The following OR13A1 variants were observed in gnomAD, a reference collection of about 807,000 sequenced individuals.
OR13A1 encodes olfactory receptor 13A1.
OR13A1 carries 10 observed loss-of-function variants against 7.5 expected under a neutral mutation model. The observed-to-expected ratio is 1.34, with a 90% CI of 0.83 to 2.27. The LOEUF is 2.27. Ranked by LOEUF, OR13A1 falls within the 30% of genes most tolerant of loss-of-function variation. The pLI is 0.00. For synonymous variants in OR13A1, 238 were observed against 177.9 expected (o/e 1.34, Z -2.69); for missense variants, 509 against 419.1 (o/e 1.21, Z -1.87).
Position 45,302,708 on chromosome 10 carries a change from G to A in OR13A1, c.*728C>T, listed in dbSNP as rs186975940. On this transcript the variant is annotated 3_prime_UTR_variant, in exon 4 of 4. Coordinates refer to ENST00000553795, the MANE Select transcript of OR13A1 (RefSeq NM_001004297.3). ...TGTCTTTATTAGACACAGAGGATTC[G>A]TTCACCCAGTTTTATCTGAAACAAT... The A allele has an allele frequency of 8.4e-4, 128 of 152,210 alleles. No individual in the cohort carries two copies. Among genetic ancestry groups the A allele is most frequent in the African/African-American group, 2.9e-3 (122 of 41,524 alleles). 9.4% of individuals were successfully genotyped at this position (152,210 alleles called of 1,614,324 possible).
intron 1 of OR13A1, among the ~76,000 whole-genome samples, chr10:45,314,337 C>T (rs1838490926): frequency 6.6e-6 from 1 of 151,760 alleles, no homozygotes; most frequent in South Asian, 2.1e-4. Context: ...TGGGTCATGC[C>T]TGCAATCCCA....
intron 3 of OR13A1, among the ~76,000 whole-genome samples, chr10:45,306,765 A>G (rs1588942744): frequency 6.6e-6 from 1 of 152,226 alleles, no homozygotes; most frequent in East Asian, 1.9e-4. Context: ...ATCAGAATCA[A>G]TGGAAATGAT....
In OR13A1 at chr10:45,303,733, C is replaced by G. The variant is rs1166843959; in HGVS notation, c.690G>C (p.Leu230=). Residue 230 remains leucine (L), a synonymous_variant, in exon 4 of 4, where the codon CTG becomes CTC. Transcript: ENST00000553795. ...TGAAGCCATAGGACGCGATGGTCAT[C>G]AGGAAGTTCACTATGCCGTAGAAAG... ...ADAFYGIVNF[L]MTIASYGFIV... is the part of the protein sequence containing the mutation. The G allele has an allele frequency of 1.9e-6, 3 of 1,614,084 alleles. No individual in the cohort carries two copies. In the East Asian group the frequency reaches 6.7e-5, roughly 36 times the overall value.
intron 1 of OR13A1, among the ~76,000 whole-genome samples, chr10:45,314,094 G>A: frequency 6.6e-6 from 1 of 151,984 alleles, no homozygotes; most frequent in East Asian, 1.9e-4. Flanking sequence ...CTAGACATCA[G>A]TAGCAGAAGG....
At position 45,303,302 on chromosome 10, in the gene OR13A1, A is replaced by G; in HGVS notation, c.*134T>C. 1.1e-6 allele frequency: 1 copy of G among 934,306 alleles called. No individual in the cohort carries two copies. The highest frequency in any genetic ancestry group is 1.7e-5 in the South Asian group (1 of 59,588). The allele number at this position is 934,306 out of a possible 1,614,324, so 57.9% of individuals were successfully genotyped here. A position where few individuals can be genotyped will look rare whatever the true frequency, so the allele number is the denominator to read the frequency against. On this transcript the variant is annotated 3_prime_UTR_variant, in exon 4 of 4. Transcript: ENST00000553795. ...CATCACCAAGTCTCAGGGAACCAGC[A>G]CTCCCAGCTCATCCATGCACAGGTT...
chr10:45,312,890 C>T (rs887084844), intron 1 of OR13A1, among the ~76,000 whole-genome samples: 1 of 152,030 alleles, frequency 6.6e-6, no homozygotes, highest in Non-Finnish European at 1.5e-5. Context: ...GAGTTCATTA[C>T]CACTGGACCT....
At chr10:45,304,920 G>C (rs548449221) in intron 3 of OR13A1, among the ~76,000 whole-genome samples, 3 of 152,252 alleles carry the variant, frequency 2.0e-5, no homozygotes, top group South Asian at 4.1e-4. Context: ...TGATATAAAT[G>C]CTGTCTAATT....
intron 1 of OR13A1, among the ~76,000 whole-genome samples, chr10:45,312,542 T>C (rs1192439705): frequency 6.7e-6 from 1 of 149,856 alleles, no homozygotes; most frequent in South Asian, 2.1e-4. Flanking sequence ...AATATAAAAG[T>C]TAAAGGAATT....
intron 3 of OR13A1, among the ~76,000 whole-genome samples, chr10:45,306,112 C>T (rs1838322969): frequency 6.6e-6 from 1 of 152,206 alleles, no homozygotes. Flanking sequence ...AAGATAAAAT[C>T]AGCATAGTGC....
chr10:45,306,312 G>T (rs1588942445), intron 3 of OR13A1, among the ~76,000 whole-genome samples: 1 of 152,052 alleles, frequency 6.6e-6, no homozygotes, highest in Non-Finnish European at 1.5e-5. Flanking sequence ...AATTAGCCGG[G>T]CGTGGTGGCG....
At chr10:45,307,150 C>T (rs1838348507) in intron 3 of OR13A1, among the ~76,000 whole-genome samples, 1 of 152,174 alleles carries the variant, frequency 6.6e-6, no homozygotes, top group African/African-American at 2.4e-5. Flanking sequence ...GCACCAGAGT[C>T]AGCACAGCTG....
chr10:45,303,916 G>A lies in OR13A1; in HGVS notation c.507C>T (p.Leu169=), dbSNP rs377102950. The A allele has an allele frequency of 1.8e-5, 29 of 1,613,618 alleles. No individual in the cohort carries two copies. Among genetic ancestry groups the A allele is most frequent in the Non-Finnish European group, 2.4e-5 (28 of 1,180,034 alleles). Residue 169 remains leucine (L), a synonymous_variant, in exon 4 of 4, where the codon CTC becomes CTT. Coordinates refer to ENST00000553795, the MANE Select transcript of OR13A1 (RefSeq NM_001004297.3). ...CSGLATAVWL[L]CAVNTAIHTG... ...TGTGGATGGCCGTGTTGACGGCGCAGAGCAGCCACACGGCTGTGGCCAGCC... is the reference window on the plus strand; with the variant it reads ...TGTGGATGGCCGTGTTGACGGCGCAAAGCAGCCACACGGCTGTGGCCAGCC...
chr10:45,314,402 G>C (rs1442647690), intron 1 of OR13A1, among the ~76,000 whole-genome samples: 1 of 150,252 alleles, frequency 6.7e-6, no homozygotes, highest in Non-Finnish European at 1.5e-5. Flanking sequence ...TTTGAGACCA[G>C]CCTGGGCAAC....
chr10:45,309,747 G>A (rs1259260452), intron 1 of OR13A1, among the ~76,000 whole-genome samples: 1 of 152,118 alleles, frequency 6.6e-6, no homozygotes, highest in African/African-American at 2.4e-5. Flanking sequence ...ATATTAGTTA[G>A]CAAGCAGAGA....
intron 1 of OR13A1, among the ~76,000 whole-genome samples, chr10:45,309,650 C>G (rs1838404132): frequency 6.6e-6 from 1 of 152,162 alleles, no homozygotes; most frequent in African/African-American, 2.4e-5. Context: ...CGCCTTATCA[C>G]AGTACCTAAT....
chr10:45,311,823 C>T (rs181427619), intron 1 of OR13A1, among the ~76,000 whole-genome samples: 1 of 152,100 alleles, frequency 6.6e-6, no homozygotes, highest in Admixed American at 6.6e-5. Context: ...ACCTCTGAAC[C>T]TAAGGTAAAA....
rs117305108 is a variant in OR13A1, at chr10:45,308,171, A to T, written c.-224-363T>A. ...TGTAGACATGCTTCAAGAACAGAAA[A>T]CTAAAAATCAGAACATGCCAGAATC... On this transcript the variant is annotated intron_variant, in intron 1 of 3. Coordinates refer to ENST00000553795, the MANE Select transcript of OR13A1 (RefSeq NM_001004297.3). Among the ~76,000 whole-genome samples, 13 of 152,362 alleles carry T rather than the reference A, an allele frequency of 8.5e-5. No individual in the cohort carries two copies. In the East Asian group the frequency reaches 1.9e-3, roughly 23 times the overall value.
chr10:45,307,859 T>C (rs1176503962), intron 1 of OR13A1, 51 bp from the exon 2 acceptor site: 1 of 152,142 alleles, frequency 6.6e-6, no homozygotes, highest in Admixed American at 6.5e-5. Flanking sequence ...TTTAAAGAAA[T>C]AACAATAATA....
rs1171360735 is a variant in OR13A1 at position 45,304,401 on chromosome 10, G to C, written c.22C>G (p.His8Asp). 7 of 1,613,270 alleles carry C rather than the reference G, an allele frequency of 4.3e-6. No individual in the cohort carries two copies. In the South Asian group the frequency reaches 5.5e-5, roughly 13 times the overall value. MKLWMES[H>D]LIVPETRPSP... is the part of the protein sequence containing the mutation. ...GGACGGGTTTCTGGGACTATCAGGT[G>C]ACTCTCCATCCACAGCTTCATGTGA... The change falls in exon 4 of 4, where the codon CAC becomes GAC. Residue 8 changes from histidine (H) to aspartate (D), a missense_variant. By Grantham distance (81) the His-to-Asp change is moderately conservative (BLOSUM62 -1). Transcript: ENST00000553795.
Sources: allele counts gnomAD v4.1 joint callset (sites outside exome capture counted in the v4.1 genomes callset), GRCh38; gene constraint gnomAD v4.1.1; transcripts MANE v1.5; gene names NCBI Gene and HGNC (gene_info 2026-07-23, HGNC 2026-07-21).